Variants in CDH23 observed in about 807,000 individuals in gnomAD.
CDH23 encodes the protein cadherin related 23, also known as cadherin-23.
In CDH23, 189 loss-of-function variants were observed where a neutral mutation model predicts 317.1. The observed-to-expected ratio is 0.60, with a 90% CI of 0.53 to 0.67. The LOEUF (loss-of-function observed/expected upper bound fraction) is 0.67, where lower values mean the gene tolerates loss of function less well. CDH23 is among the 30% of genes least tolerant of loss of function. The pLI, the probability that CDH23 is intolerant of heterozygous loss-of-function variation, is 0.00. For synonymous variants in CDH23, 1,839 were observed against 1,876.8 expected (o/e 0.98, Z 0.52); for missense variants, 4,401 against 4,592.4 (o/e 0.96, Z 1.20).
intron 38 of CDH23, among the ~76,000 whole-genome samples, chr10:71,752,730 G>T (rs75964469): frequency 0.079 from 12,077 of 152,220 alleles, 485 homozygotes; most frequent in Middle Eastern, 0.095. Context: ...CCTGGCCCAG[G>T]CTGACCACTG....
At chr10:71,784,079 G>C (rs141816984) in intron 41 of CDH23, among the ~76,000 whole-genome samples, 1 of 152,312 alleles carries the variant, frequency 6.6e-6, no homozygotes, top group East Asian at 1.9e-4. Flanking sequence ...GCCTGCACCC[G>C]TGGTGGTGAT....
rs146561560 is a variant in CDH23 at position 71,403,509 on chromosome 10, T to C, written c.-6+6191T>C. 3.8e-3 allele frequency among the ~76,000 whole-genome samples: 478 copies of C among 126,488 alleles called. 13 individuals carry two copies. Among genetic ancestry groups the C allele is most frequent in the African/African-American group, 0.012 (399 of 32,046 alleles). 83.0% of individuals were successfully genotyped at this position (126,488 alleles called of 152,430 possible). A position where few individuals can be genotyped will look rare whatever the true frequency, so the allele number is the denominator to read the frequency against. ...TCCTTCCTTCCTTCCTTCCTTCCTT[T>C]CTTTCCTTCTTTCTTTCTTTTTTTT... is the stretch of plus-strand genomic sequence containing the variant. On this transcript the variant is annotated intron_variant, in intron 1 of 69. Transcript: ENST00000224721.
In CDH23 at chr10:71,565,468, G is replaced by A. The variant is rs574971894; in HGVS notation, c.430-1274G>A. Among the ~76,000 whole-genome samples, 10 of 152,252 alleles carry A rather than the reference G, an allele frequency of 6.6e-5. No homozygotes were observed. The South Asian group carries it at 2.1e-3, about 32-fold the overall frequency. On this transcript the variant is annotated intron_variant, in intron 6 of 69. Transcript: ENST00000224721. ...TCCAGCTGGAAGCCAGCCAGCAAGA[G>A]AGCCTGGAGATGCAATCCATTGAGA...
At chr10:71,577,028 A>G (rs750750014) in intron 8 of CDH23, among the ~76,000 whole-genome samples, 1 of 152,044 alleles carries the variant, frequency 6.6e-6, no homozygotes, top group Non-Finnish European at 1.5e-5. Context: ...ACTCCTACTC[A>G]TGCTTCATGA....
At chr10:71,500,225 G>A (rs1007318700) in intron 3 of CDH23, among the ~76,000 whole-genome samples, 1 of 152,086 alleles carries the variant, frequency 6.6e-6, no homozygotes, top group East Asian at 1.9e-4. Flanking sequence ...AATATCACAG[G>A]TACCCCGTAA....
chr10:71,809,088 A>G (rs1036509591), intron 60 of CDH23, among the ~76,000 whole-genome samples: 2 of 151,666 alleles, frequency 1.3e-5, no homozygotes, highest in African/African-American at 4.9e-5. Context: ...TTTTGAGCCC[A>G]ATCTATTGTC....
At position 71,461,589 on chromosome 10, in the gene CDH23, C is replaced by A. The variant is rs370673636; in HGVS notation, c.145+15194C>A. Among the ~76,000 whole-genome samples, 5 of 152,316 alleles carry A rather than the reference C, an allele frequency of 3.3e-5. No homozygotes were observed. In the East Asian group the frequency reaches 9.7e-4, roughly 29 times the overall value. ...CACCAGCCTTCTGTCATCTTTTGCA[C>A]GATCCATGTCTCCTCCATGCTTGTA... On this transcript the variant is annotated intron_variant, in intron 3 of 69. Coordinates refer to ENST00000224721, the MANE Select transcript of CDH23 (RefSeq NM_022124.6).
chr10:71,735,288 G>T (rs1306086364), intron 34 of CDH23, among the ~76,000 whole-genome samples: 1 of 152,162 alleles, frequency 6.6e-6, no homozygotes, highest in African/African-American at 2.4e-5. Context: ...TCTCCCTCAG[G>T]ACAGCCTCTA....
At chr10:71,680,831 T>TTC (rs1554854587) in intron 17 of CDH23, among the ~76,000 whole-genome samples, 2 of 129,522 alleles carry the variant, frequency 1.5e-5, no homozygotes, top group Non-Finnish European at 3.3e-5. Flanking sequence ...TTCTTTTTCT[T>TTC]TTTTTTTTTT....
In CDH23 at chr10:71,424,207, C is replaced by G. The variant is rs376028560; in HGVS notation, c.-5-15620C>G. 3.3e-4 allele frequency among the ~76,000 whole-genome samples: 51 copies of G among 152,306 alleles called. 1 individual carries two copies. In the South Asian group the frequency reaches 0.01, roughly 31 times the overall value. On this transcript the variant is annotated intron_variant, in intron 1 of 69. Coordinates refer to ENST00000224721, the MANE Select transcript of CDH23 (RefSeq NM_022124.6). ...TAAGCAGGGATTTGAAACTGGATCTCGCTCCCCGCCTGATGGTTCCCAGGT... is the reference window on the plus strand; with the variant it reads ...TAAGCAGGGATTTGAAACTGGATCTGGCTCCCCGCCTGATGGTTCCCAGGT...
At chr10:71,490,127 G>T (rs1852574583) in intron 3 of CDH23, among the ~76,000 whole-genome samples, 1 of 151,728 alleles carries the variant, frequency 6.6e-6, no homozygotes, top group African/African-American at 2.4e-5. Flanking sequence ...TGAAAACTTG[G>T]GTTTACCTGG....
At chr10:71,449,083 C>T (rs987659397) in intron 3 of CDH23, among the ~76,000 whole-genome samples, 3 of 152,182 alleles carry the variant, frequency 2.0e-5, no homozygotes, top group African/African-American at 4.8e-5. Context: ...ACAATACCAC[C>T]ACCTCTAAAG....
At chr10:71,759,820 T>C (rs112007933) in intron 38 of CDH23, among the ~76,000 whole-genome samples, 67,611 of 84,774 alleles carry the variant, frequency 0.8, 28,560 homozygotes, top group South Asian at 0.87. Flanking sequence ...TCAGAAAATA[T>C]ACACACACAC....
intron 11 of CDH23, among the ~76,000 whole-genome samples, chr10:71,643,563 C>CA (rs1455156969): frequency 6.6e-6 from 1 of 151,688 alleles, no homozygotes; most frequent in Non-Finnish European, 1.5e-5. Context: ...GCCCTTGCCC[C>CA]CCCCTCACCT....
rs116211740 is a variant in CDH23 at position 71,517,102 on chromosome 10, C to T, written c.429+5890C>T. ...GAATTCACAAATGCAGACAGCCATG[C>T]GGCTCCCTCTGCCTCTTGGGCGGTG... On this transcript the variant is annotated intron_variant, in intron 6 of 69. Coordinates refer to ENST00000224721, the MANE Select transcript of CDH23 (RefSeq NM_022124.6). Among the ~76,000 whole-genome samples the T allele has an allele frequency of 6.5e-3, 985 of 152,308 alleles. 12 individuals are homozygous for T. Among genetic ancestry groups the T allele is most frequent in the African/African-American group, 0.022 (910 of 41,560 alleles).
chr10:71,735,473 GTCCA>G (rs1839537701), intron 34 of CDH23, among the ~76,000 whole-genome samples: 2 of 152,106 alleles, frequency 1.3e-5, no homozygotes, highest in Non-Finnish European at 2.9e-5. Context: ...CCTGAGAGAG[GTCCA>G]TGGGATGGCA....
At chr10:71,616,564 T>C (rs1465107086) in intron 10 of CDH23, among the ~76,000 whole-genome samples, 1 of 152,260 alleles carries the variant, frequency 6.6e-6, no homozygotes, top group Non-Finnish European at 1.5e-5. Flanking sequence ...TGTGAGGGTG[T>C]GTTCTCACAC....
Position 71,732,395 on chromosome 10 carries a change from G to T in CDH23, c.4104+20G>T, listed in dbSNP as rs1319391711. ...ATCACGGTGAGGGGCTGGGGGCAGGGAGCACCATTTCTTCCAATCTAACCA... is the reference window on the plus strand; with the variant it reads ...ATCACGGTGAGGGGCTGGGGGCAGGTAGCACCATTTCTTCCAATCTAACCA... On this transcript the variant is annotated intron_variant, in intron 32 of 69. Transcript: ENST00000224721. 6.4e-7 allele frequency: 1 copy of T among 1,553,234 alleles called. No homozygotes were observed. Among genetic ancestry groups the T allele is most frequent in the Middle Eastern group, 1.7e-4 (1 of 5,998 alleles).
chr10:71,528,874 C>G (rs1392538984), intron 6 of CDH23, among the ~76,000 whole-genome samples: 1 of 152,190 alleles, frequency 6.6e-6, no homozygotes, highest in African/African-American at 2.4e-5. Flanking sequence ...GATGATAGGT[C>G]TTTGAGCAGG....
Sources: allele counts gnomAD v4.1 joint callset (sites outside exome capture counted in the v4.1 genomes callset), GRCh38; gene constraint gnomAD v4.1.1; transcripts MANE v1.5; gene names NCBI Gene and HGNC (gene_info 2026-07-23, HGNC 2026-07-21).